NCOA2: variants seen among roughly 807,000 people sequenced by gnomAD.
NCOA2 encodes the protein class E basic helix-loop-helix protein 75.
Under a neutral mutation model 145.1 loss-of-function variants are expected in NCOA2, and 21 were observed. The observed-to-expected ratio is 0.14, with a 90% CI of 0.10 to 0.21. The LOEUF (loss-of-function observed/expected upper bound fraction) is 0.21. Ranked by LOEUF, NCOA2 falls within the 10% of genes least tolerant of loss-of-function variation. The probability of loss-of-function intolerance (pLI) is 1.00; values close to 1 mark genes in which losing one functional copy is unlikely to be tolerated. For synonymous variants in NCOA2, 619 were observed against 637.5 expected (o/e 0.97, Z 0.44); for missense variants, 1,472 against 1,837.6 (o/e 0.80, Z 3.64).
At chr8:70,428,005 G>T in the NCOA2 span, among the ~76,000 whole-genome samples, 74 of 151,870 alleles carry the variant, frequency 4.9e-4, no homozygotes, top group Non-Finnish European at 8.7e-4. Flanking sequence ...AAGTGAAAAA[G>T]GAAAGTCTAA....
chr8:70,110,373 T>C lies in NCOA2; in HGVS notation c.*3259A>G, dbSNP rs1806436236. On this transcript the variant is annotated 3_prime_UTR_variant, in exon 23 of 23. Transcript: ENST00000452400. ...CTAGATTTTAGCATTTTGAGGTTCT[T>C]GCACATAGCTTTTACCTGTAGTAAG... 1 of 194,678 alleles carries C rather than the reference T, an allele frequency of 5.1e-6. No individual in the cohort carries two copies. The highest frequency in any genetic ancestry group is 2.3e-5 in the African/African-American group (1 of 43,224). The allele number at this position is 194,678 out of a possible 1,614,324, so 12.1% of individuals were successfully genotyped here. A position where few individuals can be genotyped will look rare whatever the true frequency, so the allele number is the denominator to read the frequency against.
chr8:70,284,389 A>G (rs751041326), intron 2 of NCOA2, among the ~76,000 whole-genome samples: 61 of 152,230 alleles, frequency 4.0e-4, no homozygotes, highest in Non-Finnish European at 6.9e-4. Flanking sequence ...ATGTATTAAA[A>G]GAAAATTAGT....
chr8:70,183,943 T>C (rs1347451144), intron 4 of NCOA2, among the ~76,000 whole-genome samples: 5 of 152,226 alleles, frequency 3.3e-5, no homozygotes, highest in Non-Finnish European at 5.9e-5. Context: ...GTTTCACAGC[T>C]GGAGCTAAAA....
intron 1 of NCOA2, among the ~76,000 whole-genome samples, chr8:70,352,829 G>A (rs916453150): frequency 2.0e-5 from 3 of 152,038 alleles, no homozygotes; most frequent in African/African-American, 4.8e-5. Flanking sequence ...TCTCCAATTT[G>A]CCAAACATTG....
chr8:70,414,402 G>A, the NCOA2 span, among the ~76,000 whole-genome samples: 3 of 152,020 alleles, frequency 2.0e-5, no homozygotes, highest in African/African-American at 7.3e-5. Context: ...TCATATGTGA[G>A]TTCTACCTCC....
At position 70,142,863 on chromosome 8, in the gene NCOA2, A is replaced by G. The variant is rs532696642; in HGVS notation, c.2813-1464T>C. Among the ~76,000 whole-genome samples, 10 of 114,904 alleles carry G rather than the reference A, an allele frequency of 8.7e-5. No homozygotes were observed. In the South Asian group the frequency reaches 1.8e-3, roughly 20 times the overall value. The allele number at this position is 114,904 out of a possible 152,430, so 75.4% of individuals were successfully genotyped here. ...AATATGACAAGATTATAGGAAGTCT[A>G]GAAAGCAAAAAAGAGAATGATCCAT... On this transcript the variant is annotated intron_variant, in intron 13 of 22. Coordinates refer to ENST00000452400, the MANE Select transcript of NCOA2 (RefSeq NM_006540.4).
intron 1 of NCOA2, among the ~76,000 whole-genome samples, chr8:70,403,172 A>G (rs1814522121): frequency 6.6e-6 from 1 of 150,940 alleles, no homozygotes; most frequent in Admixed American, 6.6e-5. Context: ...CGCTTCCATT[A>G]AAGAATGCAC....
the NCOA2 span, among the ~76,000 whole-genome samples, chr8:70,408,922 A>G: frequency 6.6e-6 from 1 of 151,834 alleles, no homozygotes. Context: ...CCATCATGCC[A>G]GACCAAAACA....
intron 4 of NCOA2, among the ~76,000 whole-genome samples, chr8:70,192,066 CA>C (rs1816755419): frequency 6.6e-6 from 1 of 151,912 alleles, no homozygotes; most frequent in African/African-American, 2.4e-5. Context: ...AAAATAAAAA[CA>C]AAAAATAAAA....
At chr8:70,446,335 T>C in the NCOA2 span, among the ~76,000 whole-genome samples, 2 of 152,168 alleles carry the variant, frequency 1.3e-5, no homozygotes, top group African/African-American at 4.8e-5. Flanking sequence ...AGCTTCGTAG[T>C]CACATTAACC....
At chr8:70,149,138 A>T (rs1811456612) in intron 11 of NCOA2, among the ~76,000 whole-genome samples, 1 of 151,862 alleles carries the variant, frequency 6.6e-6, no homozygotes, top group Admixed American at 6.6e-5. Flanking sequence ...GTCTTTTGCC[A>T]GCTTAGGTAA....
chr8:70,358,146 T>G (rs569805168), intron 1 of NCOA2, among the ~76,000 whole-genome samples: 1 of 152,198 alleles, frequency 6.6e-6, no homozygotes, highest in Admixed American at 6.5e-5. Context: ...CCTCTGTTCA[T>G]GCATTAGGAG....
chr8:70,117,223 G>A (rs972310091), intron 22 of NCOA2, among the ~76,000 whole-genome samples: 7 of 152,208 alleles, frequency 4.6e-5, no homozygotes, highest in Admixed American at 6.5e-5. Context: ...ACCCCCAGCC[G>A]GGCACTTTCT....
chr8:70,194,296 G>C (rs532261055), intron 4 of NCOA2, among the ~76,000 whole-genome samples: 7 of 152,140 alleles, frequency 4.6e-5, no homozygotes, highest in African/African-American at 1.7e-4. Context: ...CACTGCATAC[G>C]GTCTTGTATA....
At chr8:70,155,802 G>A (rs1325232330) in intron 11 of NCOA2, among the ~76,000 whole-genome samples, 169 bp downstream of exon 11, 1 of 152,186 alleles carries the variant, frequency 6.6e-6, no homozygotes, top group Non-Finnish European at 1.5e-5. Flanking sequence ...ATGTCACTCT[G>A]CTAGGAGAGT....
At chr8:70,162,120 C>A (rs1353687110) in intron 9 of NCOA2, among the ~76,000 whole-genome samples, 2 of 151,248 alleles carry the variant, frequency 1.3e-5, no homozygotes, top group African/African-American at 2.4e-5. Flanking sequence ...CTGTGAGGGC[C>A]AGTGAGAGGA....
intron 1 of NCOA2, among the ~76,000 whole-genome samples, chr8:70,365,532 C>T (rs1810615378): frequency 1.3e-5 from 2 of 152,334 alleles, no homozygotes; most frequent in African/African-American, 4.8e-5. Context: ...CAGCATCCTA[C>T]TCTTTTTCAG....
intron 1 of NCOA2, among the ~76,000 whole-genome samples, chr8:70,361,295 C>T (rs1810176570): frequency 6.6e-6 from 1 of 151,862 alleles, no homozygotes; most frequent in South Asian, 2.1e-4. Flanking sequence ...GTGAGCAGAT[C>T]AACAGCCTGA....
chr8:70,260,372 A>G (rs1481559771), intron 2 of NCOA2, among the ~76,000 whole-genome samples: 6 of 152,080 alleles, frequency 3.9e-5, no homozygotes, highest in African/African-American at 1.4e-4. Flanking sequence ...GCCTCAAGCA[A>G]TCCACCCGCC....
Sources: allele counts gnomAD v4.1 joint callset (sites outside exome capture counted in the v4.1 genomes callset), GRCh38; gene constraint gnomAD v4.1.1; transcripts MANE v1.5; gene names NCBI Gene and HGNC (gene_info 2026-07-23, HGNC 2026-07-21).